The following PCDHGB1 variants were observed in gnomAD, a reference collection of about 807,000 sequenced individuals.
PCDHGB1 encodes protocadherin gamma-B1.
PCDHGB1 carries 34 observed loss-of-function variants against 56.6 expected under a neutral mutation model. The observed-to-expected ratio is 0.60, with a 90% CI of 0.46 to 0.80. PCDHGB1 has a LOEUF of 0.80. Among genes scored for constraint, PCDHGB1 ranks in the 30% least tolerant of loss-of-function variants. The pLI, the probability that PCDHGB1 is intolerant of heterozygous loss-of-function variation, is 0.00. For synonymous variants in PCDHGB1, 561 were observed against 505.9 expected (o/e 1.11, Z -1.46); for missense variants, 1,278 against 1,204.6 (o/e 1.06, Z -0.90).
Position 141,491,984 on chromosome 5 carries a change from C to G in PCDHGB1, c.2410-2823C>G. 1.4e-6 allele frequency: 1 copy of G among 734,256 alleles called. No homozygotes were observed. The highest frequency in any genetic ancestry group is 3.2e-5 in the East Asian group (1 of 31,678). The allele number at this position is 734,256 out of a possible 1,614,324, so 45.5% of individuals were successfully genotyped here. ...AAGGCCGGGGCCTCCTTCGAGCTTC[C>G]GGTGAATTTCGGGCGATTTCCGCGG... On this transcript the variant is annotated intron_variant, in intron 1 of 3. Coordinates refer to ENST00000523390, the MANE Select transcript of PCDHGB1 (RefSeq NM_018922.3). The surrounding 1 kb of genome is among the most constrained non-coding windows in gnomAD (Gnocchi z 6.9).
chr5:141,399,465 G>A, intron 1 of PCDHGB1: 1 of 1,614,014 alleles, frequency 6.2e-7, no homozygotes, highest in Non-Finnish European at 8.5e-7. Context: ...ATAACGCTCC[G>A]GTTTTCCACC....
intron 1 of PCDHGB1, chr5:141,398,873 T>G (rs2093718804): frequency 5.0e-6 from 8 of 1,613,254 alleles, no homozygotes; most frequent in Non-Finnish European, 6.8e-6. Context: ...GTGTACAGAG[T>G]CAGCCTTCGG....
intron 1 of PCDHGB1, chr5:141,478,242 T>C (rs750487479): frequency 6.2e-7 from 1 of 1,614,156 alleles, no homozygotes; most frequent in Admixed American, 1.7e-5. Context: ...GTGGTCACAG[T>C]GTTCGGAGTA....
rs754364956 is a variant in PCDHGB1 at position 141,350,441 on chromosome 5, A to T, written c.181A>T (p.Thr61Ser). Residue 61 changes from threonine to serine, a missense_variant, in exon 1 of 4, where the codon ACT becomes TCT. Transcript: ENST00000523390. ...DLGLSVRELP[T>S]RKLRVSAEDY... is the part of the protein sequence containing the mutation. ...GGGGCTCAGTGTCCGGGAGTTGCCA[A>T]CTCGAAAACTGCGGGTTAGTGCAGA... 4.3e-6 allele frequency: 7 copies of T among 1,610,584 alleles called. No homozygotes were observed. Among genetic ancestry groups the T allele is most frequent in the Non-Finnish European group, 5.9e-6 (7 of 1,177,092 alleles).
chr5:141,475,852 G>A, intron 1 of PCDHGB1: 1 of 467,402 alleles, frequency 2.1e-6, no homozygotes, highest in East Asian at 3.7e-5. Context: ...AGAGCCCGGC[G>A]CTAGCTCATT....
intron 2 of PCDHGB1, among the ~76,000 whole-genome samples, chr5:141,495,968 CTGTTACTCTTTCTT>C (rs1033811907): frequency 6.6e-6 from 1 of 152,126 alleles, no homozygotes; most frequent in African/African-American, 2.4e-5. Context: ...GCCTCTTTCT[CTGTTACTCTTTCTT>C]TATCTCTCTT....
chr5:141,408,833 A>G, intron 1 of PCDHGB1: 1 of 1,613,704 alleles, frequency 6.2e-7, no homozygotes, highest in Non-Finnish European at 8.5e-7. Context: ...TCATAGCTTG[A>G]TATTGACTGC....
chr5:141,360,387 A>G (rs1217376856), intron 1 of PCDHGB1: 1 of 1,613,944 alleles, frequency 6.2e-7, no homozygotes, highest in East Asian at 2.2e-5. Flanking sequence ...GCGGAGACTT[A>G]CTTGTGAGTG....
Position 141,423,752 on chromosome 5 carries a change from G to A in PCDHGB1, c.2410-71055G>A, listed in dbSNP as rs749899386. 4.7e-6 allele frequency: 3 copies of A among 644,956 alleles called. 1 individual carries two copies. The highest frequency in any genetic ancestry group is 1.1e-4 in the South Asian group (2 of 17,914). 40.0% of individuals were successfully genotyped at this position (644,956 alleles called of 1,614,324 possible). ...TTGAGCCTGTTATGAAAACTGTTTGGGGGGGGGGTGGGGCGGCATATATTT... is the reference window on the plus strand; with the variant it reads ...TTGAGCCTGTTATGAAAACTGTTTGAGGGGGGGGTGGGGCGGCATATATTT... On this transcript the variant is annotated intron_variant, in intron 1 of 3. Transcript: ENST00000523390.
In PCDHGB1 at chr5:141,476,065, G is replaced by T; in HGVS notation, c.2410-18742G>T. ...GCTAACCCGCTGAAAGTTTCTCAGC[G>T]AAATCTCAGGGACGATCTGGACCCC... is the stretch of plus-strand genomic sequence containing the variant. On this transcript the variant is annotated intron_variant, in intron 1 of 3. Coordinates refer to ENST00000523390, the MANE Select transcript of PCDHGB1 (RefSeq NM_018922.3). This position sits in a 1 kb window ranked among gnomAD's most constrained non-coding sequence, Gnocchi z 7.6. 6.6e-7 allele frequency: 1 copy of T among 1,511,444 alleles called. No homozygotes were observed. The highest frequency in any genetic ancestry group is 1.3e-5 in the South Asian group (1 of 76,164). The allele number at this position is 1,511,444 out of a possible 1,614,324, so 93.6% of individuals were successfully genotyped here.
intron 1 of PCDHGB1, among the ~76,000 whole-genome samples, chr5:141,430,066 G>C (rs550834063): frequency 6.6e-6 from 1 of 151,984 alleles, no homozygotes; most frequent in Non-Finnish European, 1.5e-5. Flanking sequence ...TCATTTTTAG[G>C]TTTCCATAAT....
At chr5:141,360,697 G>T in intron 1 of PCDHGB1, 5 of 1,613,976 alleles carry the variant, frequency 3.1e-6, no homozygotes, top group Non-Finnish European at 4.2e-6. Context: ...GACTCCAGAT[G>T]GTCGTAAATA....
At chr5:141,398,819 A>C (rs571120530) in intron 1 of PCDHGB1, 1 of 1,613,994 alleles carries the variant, frequency 6.2e-7, no homozygotes, top group East Asian at 2.2e-5. Flanking sequence ...CTCCGGATCC[A>C]GGTAACCGAC....
intron 1 of PCDHGB1, among the ~76,000 whole-genome samples, chr5:141,462,442 A>C (rs890167032): frequency 1.3e-5 from 2 of 152,150 alleles, no homozygotes; most frequent in African/African-American, 4.8e-5. Context: ...GCTTACACAC[A>C]ACTGTGTAAC....
chr5:141,376,654 C>A, intron 1 of PCDHGB1: 1 of 932,252 alleles, frequency 1.1e-6, no homozygotes, highest in Non-Finnish European at 1.6e-6. Context: ...GTGGAAGACT[C>A]CCTTGTTCAG....
chr5:141,370,936 T>C (rs1410454711), intron 1 of PCDHGB1: 1 of 1,613,960 alleles, frequency 6.2e-7, no homozygotes, highest in South Asian at 1.1e-5. Flanking sequence ...TTCTCTTTGA[T>C]TCAGAAGGAG....
chr5:141,500,309 C>T (rs777434466), intron 2 of PCDHGB1, among the ~76,000 whole-genome samples: 2 of 151,602 alleles, frequency 1.3e-5, no homozygotes, highest in Non-Finnish European at 2.9e-5. Flanking sequence ...CCCAGGTTCA[C>T]GCCATGCTCC....
intron 2 of PCDHGB1, among the ~76,000 whole-genome samples, chr5:141,504,651 G>A (rs905210723): frequency 8.4e-6 from 1 of 119,750 alleles, no homozygotes; most frequent in Non-Finnish European, 1.6e-5. Flanking sequence ...ATGATAGAGT[G>A]TTTGAGGGCG....
intron 1 of PCDHGB1, among the ~76,000 whole-genome samples, chr5:141,475,097 T>C (rs180692931): frequency 6.6e-6 from 1 of 152,370 alleles, no homozygotes; most frequent in East Asian, 1.9e-4. Context: ...TTTATAAAGA[T>C]CCTAGGTGGT....
Sources: gnomAD v4.1 joint callset for allele counts (sites outside exome capture counted in the v4.1 genomes callset) on GRCh38, gnomAD v4.1.1 for gene constraint, Gnocchi (gnomAD v3.1) non-coding constraint, MANE v1.5 for transcripts, NCBI Gene and HGNC (gene_info 2026-07-23, HGNC 2026-07-21) for gene names.